The following AAK1 variants were observed in gnomAD, a reference collection of about 807,000 sequenced individuals.
The protein encoded by AAK1 is AP2-associated protein kinase 1.
Under a neutral mutation model 116.0 loss-of-function variants are expected in AAK1, and 37 were observed. The ratio of observed to expected loss-of-function variants is 0.32; its 90% CI spans 0.25 to 0.42. The LOEUF (loss-of-function observed/expected upper bound fraction) is 0.42, where lower values mean the gene tolerates loss of function less well. Ranked by LOEUF, AAK1 falls within the 10% of genes least tolerant of loss-of-function variation. The pLI, the probability that AAK1 is intolerant of heterozygous loss-of-function variation, is 1.00. For missense variants in AAK1, 919 were observed against 1,170.6 expected (o/e 0.79, Z 3.14); for synonymous variants, 458 against 439.9 (o/e 1.04, Z -0.51).
rs754410399 is a variant in AAK1 at position 69,471,367 on chromosome 2, T to C, written c.*4502A>G. On this transcript the variant is annotated 3_prime_UTR_variant, in exon 22 of 22. Coordinates refer to ENST00000409085, the MANE Select transcript of AAK1 (RefSeq NM_014911.5). ...CTAGCACTCATTCTGATTTAAGAAA[T>C]CTAAGCACATCCAACTTCAGAAACA... 1.5e-4 allele frequency: 144 copies of C among 985,268 alleles called. No homozygotes were observed. The highest frequency in any genetic ancestry group is 1.0e-3 in the Admixed American group (17 of 16,264). The allele number at this position is 985,268 out of a possible 1,614,324, so 61.0% of individuals were successfully genotyped here. A position where few individuals can be genotyped will look rare whatever the true frequency, so the allele number is the denominator to read the frequency against.
Position 69,601,311 on chromosome 2 carries a change from G to A in AAK1, c.163+41567C>T, listed in dbSNP as rs536350778. ...CTCATACAACTGCAGCCTTAGCATA[G>A]ATAGCATAGGCTGTGTAACTGGGCT... On this transcript the variant is annotated intron_variant, in intron 2 of 21. Coordinates refer to ENST00000409085, the MANE Select transcript of AAK1 (RefSeq NM_014911.5). 1.9e-4 allele frequency among the ~76,000 whole-genome samples: 29 copies of A among 152,360 alleles called. No homozygotes were observed. The South Asian group carries it at 6.0e-3, about 32-fold the overall frequency.
intron 2 of AAK1, among the ~76,000 whole-genome samples, chr2:69,602,339 CT>C (rs770968924): frequency 6.6e-6 from 1 of 151,842 alleles, no homozygotes; most frequent in Non-Finnish European, 1.5e-5. Flanking sequence ...AGTTAATATC[CT>C]GATTGTGACA....
Position 69,465,436 on chromosome 2 carries a change from T to C in AAK1, c.*10433A>G. The C allele has an allele frequency of 7.8e-7, 1 of 1,288,020 alleles. No individual in the cohort carries two copies. The highest frequency in any genetic ancestry group is 1.0e-6 in the Non-Finnish European group (1 of 986,804). 79.8% of individuals were successfully genotyped at this position (1,288,020 alleles called of 1,614,324 possible). On this transcript the variant is annotated 3_prime_UTR_variant, in exon 22 of 22. Coordinates refer to ENST00000409085, the MANE Select transcript of AAK1 (RefSeq NM_014911.5). ...CTCAGGTTTTGCTCCTAGGGTTTCT[T>C]GCCTGATTTTGAAGGGAAGGGTGCT...
chr2:69,637,918 T>C (rs1424723892), intron 2 of AAK1, among the ~76,000 whole-genome samples: 1 of 152,232 alleles, frequency 6.6e-6, no homozygotes, highest in South Asian at 2.1e-4. Context: ...CATTATTTGT[T>C]ATTAAATGAG....
At position 69,472,094 on chromosome 2, in the gene AAK1, A is replaced by G; in HGVS notation, c.*3775T>C. The G allele has an allele frequency of 1.0e-6, 1 of 984,464 alleles. No individual in the cohort carries two copies. Among genetic ancestry groups the G allele is most frequent in the Non-Finnish European group, 1.2e-6 (1 of 829,074 alleles). The allele number at this position is 984,464 out of a possible 1,614,324, so 61.0% of individuals were successfully genotyped here. A position where few individuals can be genotyped will look rare whatever the true frequency, so the allele number is the denominator to read the frequency against. On this transcript the variant is annotated 3_prime_UTR_variant, in exon 22 of 22. Transcript: ENST00000409085. Reference sequence around the variant, plus strand: ...ATCTTTCAATGTTTTAAACCATTCTAAAGACTAAGGAATCACAGAAGTTTC... The same window carrying G: ...ATCTTTCAATGTTTTAAACCATTCTGAAGACTAAGGAATCACAGAAGTTTC...
chr2:69,502,197 A>G (rs1279487435), intron 16 of AAK1, among the ~76,000 whole-genome samples: 1 of 152,184 alleles, frequency 6.6e-6, no homozygotes, highest in African/African-American at 2.4e-5. Flanking sequence ...ACTTTAATGA[A>G]AAATTTTAAA....
intron 14 of AAK1, among the ~76,000 whole-genome samples, chr2:69,508,609 G>A (rs183543223): frequency 3.9e-5 from 6 of 152,206 alleles, no homozygotes; most frequent in Non-Finnish European, 7.4e-5. Flanking sequence ...AATAATTAAC[G>A]ACAACACAAT....
At position 69,467,899 on chromosome 2, in the gene AAK1, T is replaced by G. The variant is rs1272279002; in HGVS notation, c.*7970A>C. On this transcript the variant is annotated 3_prime_UTR_variant, in exon 22 of 22. Coordinates refer to ENST00000409085, the MANE Select transcript of AAK1 (RefSeq NM_014911.5). Reference sequence around the variant, plus strand: ...AAGATACTGTACAAAAATACTATGTTTCTCTGAATCCTATAACTTTTTAGC... The same window carrying G: ...AAGATACTGTACAAAAATACTATGTGTCTCTGAATCCTATAACTTTTTAGC... The G allele has an allele frequency of 1.0e-6, 1 of 985,226 alleles. No homozygotes were observed. Among genetic ancestry groups the G allele is most frequent in the Non-Finnish European group, 1.2e-6 (1 of 829,828 alleles). The allele number at this position is 985,226 out of a possible 1,614,324, so 61.0% of individuals were successfully genotyped here. A position where few individuals can be genotyped will look rare whatever the true frequency, so the allele number is the denominator to read the frequency against.
At chr2:69,524,397 A>C (rs1224553231) in intron 10 of AAK1, among the ~76,000 whole-genome samples, 1 of 150,342 alleles carries the variant, frequency 6.7e-6, no homozygotes, top group African/African-American at 2.5e-5. Flanking sequence ...ATACTCTTGT[A>C]CTAGCAACAT....
chr2:69,511,898 G>C (rs1676408837), intron 13 of AAK1, among the ~76,000 whole-genome samples: 1 of 152,182 alleles, frequency 6.6e-6, no homozygotes, highest in Non-Finnish European at 1.5e-5. Flanking sequence ...TAAGTGGTTT[G>C]TATCTGTTCA....
At chr2:69,560,786 G>A (rs889034698) in intron 2 of AAK1, among the ~76,000 whole-genome samples, 7 of 152,280 alleles carry the variant, frequency 4.6e-5, no homozygotes, top group Non-Finnish European at 8.8e-5. Context: ...GGTTTTGTCT[G>A]TTTGGTTTGC....
chr2:69,518,897 C>T (rs997215112), intron 12 of AAK1, 57 bp downstream of exon 12: 1 of 1,475,842 alleles, frequency 6.8e-7, no homozygotes, highest in Non-Finnish European at 9.0e-7. Flanking sequence ...ACCTAGTGGG[C>T]CTTTTCACAG....
Position 69,476,950 on chromosome 2 carries a change from A to C in AAK1, c.2721T>G (p.Pro907=). The change falls in exon 21 of 22, where the codon CCT becomes CCG. Residue 907 remains proline, a synonymous_variant. Transcript: ENST00000409085. ...CTTCAGCCACCTTGTCCGAGCCCTCAGGGACATCAAAACCTGAGATGAGAT... is the reference window on the plus strand; with the variant it reads ...CTTCAGCCACCTTGTCCGAGCCCTCCGGGACATCAAAACCTGAGATGAGAT... ...DSNLISGFDV[P]EGSDKVAEDE... 1 of 1,613,516 alleles carries C rather than the reference A, an allele frequency of 6.2e-7. No individual in the cohort carries two copies.
chr2:69,611,576 T>A (rs1362479983), intron 2 of AAK1, among the ~76,000 whole-genome samples: 1 of 152,244 alleles, frequency 6.6e-6, no homozygotes, highest in Non-Finnish European at 1.5e-5. Flanking sequence ...TATGAGCCAA[T>A]TCTCCCTAAT....
rs1242094949 is a variant in AAK1 at position 69,505,637 on chromosome 2, C to A, written c.2201G>T (p.Ser734Ile). 6.2e-7 allele frequency: 1 copy of A among 1,613,764 alleles called. No individual in the cohort carries two copies. Among genetic ancestry groups the A allele is most frequent in the South Asian group, 1.1e-5 (1 of 91,066 alleles). The change falls in exon 16 of 22, where the codon AGT becomes ATT. Residue 734 changes from serine (S) to isoleucine (I), a missense_variant. Physicochemically the swap from Ser to Ile is moderately radical, Grantham distance 142. Transcript: ENST00000409085. The stretch of plus-strand genomic sequence containing the variant: ...GGTTGATTGAAAGCCTGGGATCAAA[C>A]TCTCAGCTGAGCCTCCAAGCTTCTC... ...HPEKLGGSAE[S>I]LIPGFQSTQG...
At position 69,461,565 on chromosome 2, in the gene AAK1, G is replaced by T; in HGVS notation, c.*14304C>A. On this transcript the variant is annotated 3_prime_UTR_variant, in exon 22 of 22. Coordinates refer to ENST00000409085, the MANE Select transcript of AAK1 (RefSeq NM_014911.5). ...TTTCTGTATTCAAAGAAGGTATGTA[G>T]AGTCTCCACCCATCATGTCTCCAGT... 2.6e-6 allele frequency: 1 copy of T among 387,222 alleles called. No homozygotes were observed. Among genetic ancestry groups the T allele is most frequent in the Non-Finnish European group, 5.0e-6 (1 of 199,146 alleles). The allele number at this position is 387,222 out of a possible 1,614,324, so 24.0% of individuals were successfully genotyped here. A position where few individuals can be genotyped will look rare whatever the true frequency, so the allele number is the denominator to read the frequency against.
At chr2:69,516,894 C>G (rs985976493) in intron 12 of AAK1, 1 of 152,044 alleles carries the variant, frequency 6.6e-6, no homozygotes, top group African/African-American at 2.4e-5. Context: ...ATGAGGACCT[C>G]CCGGGAGCAG....
intron 15 of AAK1, 76 bp from the exon 16 acceptor site, chr2:69,505,749 C>T: frequency 8.8e-7 from 1 of 1,138,244 alleles, no homozygotes; most frequent in Non-Finnish European, 1.3e-6. Context: ...AGGTAAGGGG[C>T]ATTCTCTGAA....
chr2:69,589,546 T>C (rs1672936629), intron 2 of AAK1, among the ~76,000 whole-genome samples: 2 of 151,544 alleles, frequency 1.3e-5, no homozygotes, highest in Admixed American at 1.3e-4. Context: ...CTGTCTCTAT[T>C]AAAAATACAA....
Sources: gnomAD v4.1 joint callset for allele counts (sites outside exome capture counted in the v4.1 genomes callset) on GRCh38, gnomAD v4.1.1 for gene constraint, MANE v1.5 for transcripts, NCBI Gene and HGNC (gene_info 2026-07-23, HGNC 2026-07-21) for gene names.